NPIPB2: variants seen among roughly 807,000 people sequenced by gnomAD.
NPIPB2 encodes nuclear pore complex-interacting protein family member B2.
A neutral mutation model predicts 30.8 loss-of-function variants in NPIPB2; 27 were observed. The ratio of observed to expected loss-of-function variants is 0.88; its 90% CI spans 0.65 to 1.21. The LOEUF (loss-of-function observed/expected upper bound fraction) is 1.21, where lower values mean the gene tolerates loss of function less well. Among genes scored for constraint, NPIPB2 ranks in the 50% most tolerant of loss-of-function variants. The pLI is 0.00. For synonymous variants in NPIPB2, 147 were observed against 162.0 expected, an observed-to-expected ratio of 0.91 and a Z score of 0.70; for missense variants, 440 against 446.2, an observed-to-expected ratio of 0.99 and a Z score of 0.13.
chr16:11,962,611 C>CAAAAAAA (rs765156261), intron 1 of NPIPB2, among the ~76,000 whole-genome samples: 1 of 34,632 alleles, frequency 2.9e-5, no homozygotes. Flanking sequence ...GATTCTGTCT[C>CAAAAAAA]AAAAAAAAAA....
chr16:11,941,580 G>A (rs1318913684), intron 1 of NPIPB2, among the ~76,000 whole-genome samples: 6 of 145,626 alleles, frequency 4.1e-5, no homozygotes, highest in South Asian at 2.2e-4. Flanking sequence ...GCAAGGGAGC[G>A]TGAGGCTTAG....
chr16:11,965,012 C>T, intron 1 of NPIPB2: 1 of 401,800 alleles, frequency 2.5e-6, no homozygotes, highest in Non-Finnish European at 4.5e-6. Flanking sequence ...CATCTTGCAA[C>T]TGTCACCTGG....
At chr16:11,961,233 A>G (rs928375710) in intron 1 of NPIPB2, among the ~76,000 whole-genome samples, 1 of 151,988 alleles carries the variant, frequency 6.6e-6, no homozygotes, top group African/African-American at 2.4e-5. Flanking sequence ...CTGTCTTCCA[A>G]AGGTCAGCAA....
At chr16:11,947,110 A>G (rs2055018707) in intron 1 of NPIPB2, among the ~76,000 whole-genome samples, 1 of 146,956 alleles carries the variant, frequency 6.8e-6, no homozygotes, top group Non-Finnish European at 1.5e-5. Context: ...TCAATTATAT[A>G]TATTTTAATT....
At chr16:11,960,235 T>G (rs574378369) in intron 1 of NPIPB2, among the ~76,000 whole-genome samples, 28 of 152,286 alleles carry the variant, frequency 1.8e-4, no homozygotes, top group Non-Finnish European at 3.1e-4. Context: ...GTAAACTACA[T>G]TGTACCTGAG....
chr16:11,947,042 A>ATATATATATATATATATATATATGG (rs2055017643), upstream of NPIPB2, among the ~76,000 whole-genome samples: 5 of 135,850 alleles, frequency 3.7e-5, no homozygotes, highest in Admixed American at 2.2e-4. Flanking sequence ...TATTTGAATT[A>ATATATATATATATATATATATATGG]TATATATATA....
intron 2 of NPIPB2, among the ~76,000 whole-genome samples, chr16:11,935,456 G>C (rs1318643393): frequency 6.6e-6 from 1 of 152,016 alleles, no homozygotes; most frequent in African/African-American, 2.4e-5. Context: ...TGGGATTACA[G>C]GTGTCTGCTA....
intron 1 of NPIPB2, chr16:11,967,480 T>C (rs764785919): frequency 1.5e-6 from 2 of 1,335,398 alleles, no homozygotes; most frequent in Non-Finnish European, 2.1e-6. Flanking sequence ...CTCTCTCACA[T>C]TGCTTTGAGT....
chr16:11,948,978 A>G (rs1164160635), intron 1 of NPIPB2, among the ~76,000 whole-genome samples: 1 of 151,758 alleles, frequency 6.6e-6, no homozygotes, highest in African/African-American at 2.4e-5. Context: ...TCTCTACAAA[A>G]AATTTGAAAA....
intron 1 of NPIPB2, chr16:11,965,450 T>C (rs1190939489): frequency 3.1e-6 from 5 of 1,614,152 alleles, no homozygotes. Flanking sequence ...GTTATTGTAA[T>C]GCAAGTAAGT....
intron 1 of NPIPB2, among the ~76,000 whole-genome samples, chr16:11,963,341 T>C (rs1405310387): frequency 2.0e-5 from 3 of 150,036 alleles, no homozygotes; most frequent in East Asian, 3.9e-4. Context: ...GATCGCGCCA[T>C]TGCACTCCAG....
chr16:11,962,869 C>T (rs905617383), intron 1 of NPIPB2, among the ~76,000 whole-genome samples: 49 of 152,074 alleles, frequency 3.2e-4, no homozygotes, highest in African/African-American at 1.2e-3. Flanking sequence ...GAGACTGAGA[C>T]CATTCTGCCC....
chr16:11,941,775 C>T, intron 1 of NPIPB2: 1 of 1,098,082 alleles, frequency 9.1e-7, no homozygotes, highest in Non-Finnish European at 1.3e-6. Context: ...CCAATGACCC[C>T]TCCCCCATCT....
intron 1 of NPIPB2, among the ~76,000 whole-genome samples, chr16:11,956,608 G>A (rs1381500136): frequency 6.6e-6 from 1 of 152,146 alleles, no homozygotes; most frequent in Non-Finnish European, 1.5e-5. Context: ...CTCAGGAGGT[G>A]GAGGTTGCAG....
chr16:11,969,387 GC>G (rs1355997340), intron 1 of NPIPB2, among the ~76,000 whole-genome samples: 1 of 152,104 alleles, frequency 6.6e-6, no homozygotes, highest in African/African-American at 2.4e-5. Context: ...CACCCGAGTA[GC>G]TGGGATTACA....
intron 4 of NPIPB2, among the ~76,000 whole-genome samples, chr16:11,932,406 C>G (rs891487447): frequency 2.0e-5 from 3 of 150,316 alleles, no homozygotes; most frequent in African/African-American, 7.3e-5. Flanking sequence ...CACTGGGAGG[C>G]TGAGGTAGGC....
intron 1 of NPIPB2, among the ~76,000 whole-genome samples, chr16:11,938,073 C>T (rs371333495): frequency 6.6e-6 from 1 of 152,346 alleles, no homozygotes; most frequent in East Asian, 1.9e-4. Flanking sequence ...GGCTGGAGTG[C>T]AGTGGTGCAA....
At chr16:11,969,762 T>C (rs941175186) in intron 1 of NPIPB2, among the ~76,000 whole-genome samples, 2 of 152,138 alleles carry the variant, frequency 1.3e-5, no homozygotes, top group East Asian at 1.9e-4. Context: ...CATACTGTTT[T>C]CAGCCCAAAA....
chr16:11,961,925 C>CA (rs2055155689), intron 1 of NPIPB2, among the ~76,000 whole-genome samples: 1 of 151,884 alleles, frequency 6.6e-6, no homozygotes, highest in Non-Finnish European at 1.5e-5. Context: ...AGTGGCTGGG[C>CA]ACTGTGGCTT....
Sources: allele counts gnomAD v4.1 joint callset (sites outside exome capture counted in the v4.1 genomes callset), GRCh38; gene constraint gnomAD v4.1.1; transcripts MANE v1.5; gene names NCBI Gene and HGNC (gene_info 2026-07-23, HGNC 2026-07-21).